The following FARS2 variants were observed in gnomAD, a reference collection of about 807,000 sequenced individuals.
FARS2 encodes phenylalanyl-tRNA synthetase 2, mitochondrial, also known as phenylalanine--tRNA ligase, mitochondrial.
A neutral mutation model predicts 46.4 loss-of-function variants in FARS2; 40 were observed. The ratio of observed to expected loss-of-function variants is 0.86; its 90% confidence interval spans 0.67 to 1.12. FARS2 has a LOEUF of 1.12. FARS2 is among the 50% of genes most tolerant of loss of function. The probability of loss-of-function intolerance (pLI) is 0.00; values close to 1 mark genes in which losing one functional copy is unlikely to be tolerated. For missense variants in FARS2, 513 were observed against 567.9 expected, an observed-to-expected ratio of 0.90 and a Z score of 0.98; for synonymous variants, 234 against 214.9, an observed-to-expected ratio of 1.09 and a Z score of -0.78.
chr6:5,266,825 A>G (rs1765579102), intron 1 of FARS2, among the ~76,000 whole-genome samples: 1 of 152,174 alleles, frequency 6.6e-6, no homozygotes, highest in Non-Finnish European at 1.5e-5. Context: ...CTTTTTAGTT[A>G]TTTAAGATAA....
chr6:5,291,550 T>G (rs1250357581), intron 1 of FARS2, among the ~76,000 whole-genome samples: 3 of 152,198 alleles, frequency 2.0e-5, no homozygotes, highest in Non-Finnish European at 4.4e-5. Flanking sequence ...AAATAATTAT[T>G]TAGTCTTTCT....
intron 5 of FARS2, among the ~76,000 whole-genome samples, chr6:5,600,669 A>T (rs897392235): frequency 1.3e-5 from 2 of 152,234 alleles, no homozygotes; most frequent in Non-Finnish European, 2.9e-5. Flanking sequence ...GTGAATTTAG[A>T]TAAGAACACG....
intron 1 of FARS2, among the ~76,000 whole-genome samples, chr6:5,314,937 T>C (rs1769341705): frequency 1.3e-5 from 2 of 152,226 alleles, no homozygotes; most frequent in Non-Finnish European, 2.9e-5. Context: ...GTATAACCTC[T>C]GTAACAAAAG....
At chr6:5,260,700 G>C (rs1261268814), upstream of FARS2, 6 of 1,551,310 alleles carry the variant, frequency 3.9e-6, no homozygotes, top group Admixed American at 3.8e-5. Context: ...GCCCGGTACA[G>C]AGATAACACT....
chr6:5,349,000 C>T (rs1757409166), intron 1 of FARS2, among the ~76,000 whole-genome samples: 1 of 152,136 alleles, frequency 6.6e-6, no homozygotes, highest in Admixed American at 6.6e-5. Flanking sequence ...AAATAAAAGA[C>T]ATTCAGATTA....
chr6:5,464,549 C>T (rs1200677607), intron 4 of FARS2, among the ~76,000 whole-genome samples: 2 of 152,320 alleles, frequency 1.3e-5, no homozygotes, highest in East Asian at 3.9e-4. Flanking sequence ...GTTTCGAATG[C>T]TCTCCTTACC....
chr6:5,689,523 T>C (rs1757524132), intron 6 of FARS2, among the ~76,000 whole-genome samples: 1 of 152,248 alleles, frequency 6.6e-6, no homozygotes, highest in Non-Finnish European at 1.5e-5. Context: ...GTGAGTTTCT[T>C]AATCCTGAGT....
intron 5 of FARS2, among the ~76,000 whole-genome samples, chr6:5,578,162 T>C (rs1338854499): frequency 3.3e-5 from 5 of 152,214 alleles, no homozygotes; most frequent in African/African-American, 1.2e-4. Flanking sequence ...CATTTCATTT[T>C]GATAAGAATG....
At chr6:5,260,466 G>C (rs1275281205), upstream of FARS2, among the ~76,000 whole-genome samples, 1 of 152,254 alleles carries the variant, frequency 6.6e-6, no homozygotes, top group African/African-American at 2.4e-5. Flanking sequence ...TCCTCCCCGA[G>C]GTCTCAGAGG....
chr6:5,565,310 A>G (rs1216372680), intron 5 of FARS2, among the ~76,000 whole-genome samples: 1 of 152,218 alleles, frequency 6.6e-6, no homozygotes, highest in African/African-American at 2.4e-5. Context: ...CCATTTAGTT[A>G]ACTTTTGTTT....
chr6:5,299,710 T>C (rs549801590), intron 1 of FARS2, among the ~76,000 whole-genome samples: 4 of 135,992 alleles, frequency 2.9e-5, no homozygotes, highest in African/African-American at 1.1e-4. Flanking sequence ...AGAAGCCCTG[T>C]TGTGTGATGT....
chr6:5,497,409 T>A (rs1767536615), intron 4 of FARS2, among the ~76,000 whole-genome samples: 1 of 152,202 alleles, frequency 6.6e-6, no homozygotes, highest in Non-Finnish European at 1.5e-5. Context: ...TGAATCTTTT[T>A]GCCAGGCCTG....
chr6:5,600,498 C>A (rs535315634), intron 5 of FARS2, among the ~76,000 whole-genome samples: 29 of 152,186 alleles, frequency 1.9e-4, no homozygotes, highest in Non-Finnish European at 3.8e-4. Context: ...GTTAAAACAA[C>A]CTGAATTCAT....
At chr6:5,443,916 T>C (rs944505517) in intron 4 of FARS2, among the ~76,000 whole-genome samples, 2 of 152,210 alleles carry the variant, frequency 1.3e-5, no homozygotes, top group Admixed American at 6.5e-5. Flanking sequence ...GCAGGAAGGA[T>C]ATTTGGAAAG....
intron 6 of FARS2, among the ~76,000 whole-genome samples, chr6:5,718,353 A>G (rs987955559): frequency 1.6e-4 from 25 of 152,218 alleles, no homozygotes; most frequent in African/African-American, 3.6e-4. Context: ...CCCACCCCCA[A>G]CTGGGCCCAT....
chr6:5,403,989 C>G lies in FARS2; in HGVS notation c.613-553C>G, dbSNP rs75177335. 1.4e-3 allele frequency among the ~76,000 whole-genome samples: 220 copies of G among 152,258 alleles called. 1 individual carries two copies. The highest frequency in any genetic ancestry group is 6.8e-3 in the Middle Eastern group (2 of 294). On this transcript the variant is annotated intron_variant, in intron 2 of 6. Transcript: ENST00000274680. ...GTTTGTAATAAAATCTACTAATTTA[C>G]TATTATTATTCCCACTTTATAGATG...
chr6:5,272,416 T>C (rs72813692), intron 1 of FARS2: 2 of 152,312 alleles, frequency 1.3e-5, no homozygotes, highest in East Asian at 1.9e-4. Context: ...GGAAATGATA[T>C]CACGAACAGT....
Position 5,371,127 on chromosome 6 carries a change from C to T in FARS2, c.612+1945C>T, listed in dbSNP as rs142559054. 119 of 907,450 alleles carry T rather than the reference C, an allele frequency of 1.3e-4. No homozygotes were observed. The Admixed American group carries it at 6.7e-3, about 51-fold the overall frequency. The allele number at this position is 907,450 out of a possible 1,614,324, so 56.2% of individuals were successfully genotyped here. A position where few individuals can be genotyped will look rare whatever the true frequency, so the allele number is the denominator to read the frequency against. On this transcript the variant is annotated intron_variant, in intron 2 of 6. Coordinates refer to ENST00000274680, the MANE Select transcript of FARS2 (RefSeq NM_006567.5). ...CTTTTTTTCATGACACTCCTTTCTA[C>T]GTGGGACCTGCTTATGACCCAAAGG...
chr6:5,346,209 T>A (rs1757220846), intron 1 of FARS2, among the ~76,000 whole-genome samples: 1 of 152,202 alleles, frequency 6.6e-6, no homozygotes, highest in Admixed American at 6.5e-5. Context: ...GCATATCATA[T>A]GAAAAACCAC....
Sources: gnomAD v4.1 joint callset for allele counts (sites outside exome capture counted in the v4.1 genomes callset) on GRCh38, gnomAD v4.1.1 for gene constraint, MANE v1.5 for transcripts, NCBI Gene and HGNC (gene_info 2026-07-23, HGNC 2026-07-21) for gene names.